The following MGAT4C variants were observed in gnomAD, a reference collection of about 807,000 sequenced individuals.
MGAT4C encodes the protein MGAT4 family member C.
MGAT4C carries 19 observed loss-of-function variants against 40.1 expected under a neutral mutation model. The observed-to-expected ratio is 0.47, with a 90% CI of 0.33 to 0.70. The LOEUF is 0.70. Among genes scored for constraint, MGAT4C ranks in the 30% least tolerant of loss-of-function variants. The probability of loss-of-function intolerance (pLI) is 0.02; values close to 1 mark genes in which losing one functional copy is unlikely to be tolerated. For missense variants in MGAT4C, 491 were observed against 563.2 expected (o/e 0.87, Z 1.30); for synonymous variants, 181 against 187.1 (o/e 0.97, Z 0.27).
At position 85,966,196 on chromosome 12, in the gene MGAT4C, G is replaced by A. The variant is rs1356612121; in HGVS notation, c.*13093C>T. On this transcript the variant is annotated 3_prime_UTR_variant, in exon 5 of 5. Transcript: ENST00000611864. ...ATCTGATTTAATTATTAACTTGAAG[G>A]TCAGTTTCTACAACTTATTCTCATT... 6.6e-5 allele frequency: 10 copies of A among 151,996 alleles called. No individual in the cohort carries two copies. The highest frequency in any genetic ancestry group is 1.5e-4 in the Non-Finnish European group (10 of 68,006). The allele number at this position is 151,996 out of a possible 1,614,324, so 9.4% of individuals were successfully genotyped here. A position where few individuals can be genotyped will look rare whatever the true frequency, so the allele number is the denominator to read the frequency against.
At chr12:86,771,982 G>C (rs1951648153) in intron 1 of MGAT4C, among the ~76,000 whole-genome samples, 1 of 152,098 alleles carries the variant, frequency 6.6e-6, no homozygotes, top group South Asian at 2.1e-4. Context: ...AAATACTAAA[G>C]GAGAGAGATA....
intron 1 of MGAT4C, among the ~76,000 whole-genome samples, chr12:86,168,743 C>T (rs1358798225): frequency 6.6e-6 from 1 of 152,046 alleles, no homozygotes; most frequent in Non-Finnish European, 1.5e-5. Context: ...GATGCCTAGA[C>T]AAAAAGAGTG....
At chr12:86,761,310 T>C (rs556509831) in intron 1 of MGAT4C, among the ~76,000 whole-genome samples, 6 of 152,284 alleles carry the variant, frequency 3.9e-5, no homozygotes, top group African/African-American at 7.2e-5. Flanking sequence ...ATTTGGGTCA[T>C]TGTGAGAGTA....
chr12:86,264,630 T>C (rs910703389), intron 4 of MGAT4C, among the ~76,000 whole-genome samples: 2 of 152,206 alleles, frequency 1.3e-5, no homozygotes, highest in African/African-American at 4.8e-5. Flanking sequence ...TTCTGTGCTC[T>C]TGGGGGCCAG....
At chr12:86,301,876 C>A (rs942687859) in intron 4 of MGAT4C, among the ~76,000 whole-genome samples, 2 of 152,308 alleles carry the variant, frequency 1.3e-5, no homozygotes, top group African/African-American at 4.8e-5. Context: ...TATGATATAT[C>A]TTATATTAAT....
intron 2 of MGAT4C, among the ~76,000 whole-genome samples, chr12:86,684,874 G>C (rs1030018852): frequency 1.3e-5 from 2 of 150,956 alleles, no homozygotes; most frequent in Non-Finnish European, 2.9e-5. Context: ...CCAACTTTTT[G>C]ATGGGTTTTT....
At chr12:86,422,454 C>A (rs1353811241) in intron 3 of MGAT4C, among the ~76,000 whole-genome samples, 1 of 152,104 alleles carries the variant, frequency 6.6e-6, no homozygotes, top group East Asian at 1.9e-4. Flanking sequence ...GGAAAAATAT[C>A]ATTTTTCAAC....
rs1019976666 is a variant in MGAT4C at position 86,228,504 on chromosome 12, T to C, written c.-57+27735A>G. ...AACACCCTTCAAACACAAAGAGAGTTTGTGCAGCTTTCAATGAATCAGGGG... is the reference window on the plus strand; with the variant it reads ...AACACCCTTCAAACACAAAGAGAGTCTGTGCAGCTTTCAATGAATCAGGGG... On this transcript the variant is annotated intron_variant, in intron 1 of 4. Transcript: ENST00000611864. Among the ~76,000 whole-genome samples the C allele has an allele frequency of 2.6e-5, 4 of 151,872 alleles. No homozygotes were observed. In the East Asian group the frequency reaches 7.7e-4, roughly 29 times the overall value.
chr12:86,292,221 A>G (rs1953535957), intron 4 of MGAT4C, among the ~76,000 whole-genome samples: 1 of 152,150 alleles, frequency 6.6e-6, no homozygotes, highest in South Asian at 2.1e-4. Context: ...ATAACTCTGA[A>G]TAATATAAAT....
At chr12:86,427,082 G>T (rs1367187369) in intron 3 of MGAT4C, among the ~76,000 whole-genome samples, 1 of 152,152 alleles carries the variant, frequency 6.6e-6, no homozygotes, top group African/African-American at 2.4e-5. Flanking sequence ...AGGTATTGGG[G>T]AAAGAAAGGC....
chr12:86,001,307 C>G (rs575833400), intron 2 of MGAT4C, among the ~76,000 whole-genome samples: 2 of 152,188 alleles, frequency 1.3e-5, no homozygotes, highest in Non-Finnish European at 2.9e-5. Context: ...GCATTGAGAA[C>G]AATCTCTTTC....
intron 2 of MGAT4C, among the ~76,000 whole-genome samples, chr12:86,601,629 G>A (rs1287707480): frequency 2.0e-5 from 3 of 152,146 alleles, no homozygotes; most frequent in Admixed American, 1.3e-4. Context: ...CTGCGGGAGC[G>A]AAAGAAGCTG....
chr12:86,063,931 A>T (rs1036120989), intron 1 of MGAT4C, among the ~76,000 whole-genome samples: 1 of 152,116 alleles, frequency 6.6e-6, no homozygotes, highest in Non-Finnish European at 1.5e-5. Context: ...AGAGACTTAG[A>T]CTCCCACACA....
chr12:86,282,166 T>C (rs1037302957), intron 4 of MGAT4C, among the ~76,000 whole-genome samples: 1 of 152,194 alleles, frequency 6.6e-6, no homozygotes, highest in African/African-American at 2.4e-5. Flanking sequence ...GTAATCAGCC[T>C]CATACAATTT....
Position 86,186,330 on chromosome 12 carries a change from T to C in MGAT4C, c.-57+69909A>G, listed in dbSNP as rs562958046. On this transcript the variant is annotated intron_variant, in intron 1 of 4. Coordinates refer to ENST00000611864, the MANE Select transcript of MGAT4C (RefSeq NM_001351288.2). ...GTCACATCCCCAAAAGGCAAATGTG[T>C]TCATATCAATTAATAACTGACATGC... 1.2e-4 allele frequency among the ~76,000 whole-genome samples: 19 copies of C among 152,240 alleles called. 1 individual carries two copies. In the East Asian group the frequency reaches 3.7e-3, roughly 29 times the overall value.
chr12:86,117,715 G>C (rs984898893), intron 1 of MGAT4C, among the ~76,000 whole-genome samples: 3 of 152,104 alleles, frequency 2.0e-5, no homozygotes, highest in Non-Finnish European at 4.4e-5. Flanking sequence ...CTAGAAACTG[G>C]GGTTAAGAGT....
chr12:86,722,087 G>C (rs762210548), intron 2 of MGAT4C, among the ~76,000 whole-genome samples: 2 of 151,956 alleles, frequency 1.3e-5, no homozygotes, highest in Non-Finnish European at 2.9e-5. Context: ...GTTATGGCTG[G>C]GTGAGCACTT....
At chr12:86,066,611 G>T (rs191864241) in intron 1 of MGAT4C, among the ~76,000 whole-genome samples, 1 of 152,212 alleles carries the variant, frequency 6.6e-6, no homozygotes, top group Admixed American at 6.5e-5. Flanking sequence ...AAAAACCCTA[G>T]AAGAAAACCT....
At chr12:86,550,483 C>T (rs1959296036) in intron 2 of MGAT4C, among the ~76,000 whole-genome samples, 2 of 152,214 alleles carry the variant, frequency 1.3e-5, no homozygotes. Context: ...TGTGACCAAA[C>T]TGCTTCAGCA....
Sources: gnomAD v4.1 joint callset for allele counts (sites outside exome capture counted in the v4.1 genomes callset) on GRCh38, gnomAD v4.1.1 for gene constraint, MANE v1.5 for transcripts, NCBI Gene and HGNC (gene_info 2026-07-23, HGNC 2026-07-21) for gene names.